EFCAB5: variants seen among roughly 807,000 people sequenced by gnomAD.
The protein encoded by EFCAB5 is EF-hand calcium binding domain 5.
A neutral mutation model predicts 167.9 loss-of-function variants in EFCAB5; 131 were observed. That is an observed-to-expected ratio of 0.78 (90% CI 0.68 to 0.90). The LOEUF (loss-of-function observed/expected upper bound fraction) is 0.90, where lower values mean the gene tolerates loss of function less well. Ranked by LOEUF, EFCAB5 falls within the 40% of genes least tolerant of loss-of-function variation. The probability of loss-of-function intolerance (pLI) is 0.00; values close to 1 mark genes in which losing one functional copy is unlikely to be tolerated. For synonymous variants in EFCAB5, 574 were observed against 602.8 expected, an observed-to-expected ratio of 0.95 and a Z score of 0.70; for missense variants, 1,663 against 1,745.2, an observed-to-expected ratio of 0.95 and a Z score of 0.84.
chr17:30,094,563 A>T (rs1167510805), intron 22 of EFCAB5, among the ~76,000 whole-genome samples: 1 of 151,000 alleles, frequency 6.6e-6, no homozygotes, highest in Non-Finnish European at 1.5e-5. Flanking sequence ...CACGCCTGTA[A>T]TCCCAGCTAC....
At chr17:30,020,793 G>A (rs949941387) in intron 7 of EFCAB5, among the ~76,000 whole-genome samples, 1 of 152,114 alleles carries the variant, frequency 6.6e-6, no homozygotes, top group Non-Finnish European at 1.5e-5. Context: ...TCCACAGCAG[G>A]CTCAAGCCTG....
At chr17:29,993,344 T>C in intron 5 of EFCAB5, 23 bp downstream of exon 5, 1 of 1,602,012 alleles carries the variant, frequency 6.2e-7, no homozygotes, top group Non-Finnish European at 8.5e-7. Flanking sequence ...GGGGTATATG[T>C]GAAAGGTAGG....
intron 7 of EFCAB5, among the ~76,000 whole-genome samples, chr17:30,033,282 G>A (rs2069528606): frequency 6.6e-6 from 1 of 152,092 alleles, no homozygotes. Context: ...GTTTCACCGT[G>A]TTAGCCAGGA....
At chr17:30,101,324 T>G (rs1419445938) in intron 22 of EFCAB5, among the ~76,000 whole-genome samples, 1 of 152,192 alleles carries the variant, frequency 6.6e-6, no homozygotes, top group Non-Finnish European at 1.5e-5. Context: ...GTGGTCATAT[T>G]ATATATATTT....
At chr17:30,056,234 A>T (rs1203030871) in intron 12 of EFCAB5, 78 bp downstream of exon 12, 33 of 1,354,850 alleles carry the variant, frequency 2.4e-5, no homozygotes, top group Non-Finnish European at 3.3e-5. Flanking sequence ...TCGATGATAA[A>T]GACTGAATTT....
intron 2 of EFCAB5, among the ~76,000 whole-genome samples, chr17:29,942,714 A>G (rs1177785458): frequency 6.6e-6 from 1 of 152,204 alleles, no homozygotes; most frequent in Non-Finnish European, 1.5e-5. Context: ...AAATAGTCCT[A>G]TAGATTCACA....
chr17:30,093,074 A>C, intron 22 of EFCAB5, 138 bp downstream of exon 22: 1 of 551,540 alleles, frequency 1.8e-6, no homozygotes, highest in Non-Finnish European at 3.1e-6. Flanking sequence ...AAGAGGAGGG[A>C]CACTATGTAA....
intron 3 of EFCAB5, among the ~76,000 whole-genome samples, chr17:29,948,164 T>A (rs2067442105): frequency 6.6e-6 from 1 of 152,168 alleles, no homozygotes; most frequent in Admixed American, 6.6e-5. Context: ...CAAACAGAAT[T>A]TTGATATAGG....
At chr17:30,058,401 C>T (rs1253616504) in intron 13 of EFCAB5, among the ~76,000 whole-genome samples, 6 of 152,180 alleles carry the variant, frequency 3.9e-5, no homozygotes, top group African/African-American at 1.4e-4. Flanking sequence ...ATTACTTTCA[C>T]TAAGCTTATT....
In EFCAB5 at chr17:30,092,099, T is replaced by C; in HGVS notation, c.4166T>C (p.Phe1389Ser). Residue 1389 changes from phenylalanine to serine, a missense_variant, in exon 21 of 23, where the codon TTC becomes TCC. Physicochemically the swap from Phe to Ser is radical, Grantham distance 155. Transcript: ENST00000394835. ...VRDILKAVIL[F>S]FHPELEFSSD... is the part of the protein sequence containing the mutation. ...GACATCCTGAAGGCGGTTATCTTGTTCTTTCATCCAGAGTTGGAATTTTCA... is the reference window on the plus strand; with the variant it reads ...GACATCCTGAAGGCGGTTATCTTGTCCTTTCATCCAGAGTTGGAATTTTCA... The C allele has an allele frequency of 6.2e-7, 1 of 1,614,034 alleles. No homozygotes were observed. The highest frequency in any genetic ancestry group is 1.1e-5 in the South Asian group (1 of 91,078).
intron 14 of EFCAB5, chr17:30,068,997 T>C (rs1442223060): frequency 6.9e-7 from 1 of 1,444,090 alleles, no homozygotes; most frequent in African/African-American, 1.4e-5. Context: ...AGGAGATACA[T>C]TCCCAGCAAG....
chr17:30,024,092 A>T (rs2069252583), intron 7 of EFCAB5, among the ~76,000 whole-genome samples: 1 of 152,114 alleles, frequency 6.6e-6, no homozygotes, highest in South Asian at 2.1e-4. Flanking sequence ...ATGGGCAAAA[A>T]CTGGAAGCAT....
rs2070363797 is a variant in EFCAB5, at chr17:30,059,411, T to C, written c.2581-134T>C. ...CACTGCTGAATCACTGCATTTTCCC[T>C]TAATATCATGCTTAGCCTCAAAGTA... On this transcript the variant is annotated intron_variant, in intron 13 of 22. Transcript: ENST00000394835. The C allele has an allele frequency of 5.2e-6, 5 of 969,492 alleles. No individual in the cohort carries two copies. The East Asian group carries it at 1.3e-4, about 25-fold the overall frequency. The allele number at this position is 969,492 out of a possible 1,614,324, so 60.1% of individuals were successfully genotyped here. A position where few individuals can be genotyped will look rare whatever the true frequency, so the allele number is the denominator to read the frequency against.
At chr17:29,993,471 T>G in intron 5 of EFCAB5, 150 bp downstream of exon 5, 1 of 633,444 alleles carries the variant, frequency 1.6e-6, no homozygotes, top group Non-Finnish European at 2.3e-6. Context: ...TGAGTGTTGA[T>G]TCCTTCAATT....
At position 30,086,920 on chromosome 17, in the gene EFCAB5, A is replaced by G. The variant is rs9913179; in HGVS notation, c.3580-143A>G. On this transcript the variant is annotated intron_variant, in intron 18 of 22. Coordinates refer to ENST00000394835, the MANE Select transcript of EFCAB5 (RefSeq NM_198529.4). ...AAAAAAAAAATTATCCTGTTCTCTA[A>G]TGGTACTAAGTAAAATGTCACTGTC... 0.029 allele frequency: 18,125 copies of G among 615,154 alleles called. 2,489 individuals carry two copies. In the African/African-American group the frequency reaches 0.3, roughly 10 times the overall value. The allele number at this position is 615,154 out of a possible 1,614,324, so 38.1% of individuals were successfully genotyped here. A position where few individuals can be genotyped will look rare whatever the true frequency, so the allele number is the denominator to read the frequency against.
rs1292982092 is a variant in EFCAB5 at position 30,080,101 on chromosome 17, C to A, written c.3057C>A (p.Ile1019=). 1 of 1,610,152 alleles carries A rather than the reference C, an allele frequency of 6.2e-7. No individual in the cohort carries two copies. Among genetic ancestry groups the A allele is most frequent in the Non-Finnish European group, 8.5e-7 (1 of 1,178,680 alleles). Residue 1019 remains isoleucine (I), a synonymous_variant, in exon 16 of 23, where the codon ATC becomes ATA. Transcript: ENST00000394835. ...CTGAAGCCCATGGAAATAAAAAGAT[C>A]AGTGCTCACATTTCCCTCTTAGAAG... ...QDAEAHGNKK[I]SAHISLLEEN... is the part of the protein sequence containing the mutation.
At position 30,069,497 on chromosome 17, in the gene EFCAB5, G is replaced by A. The variant is rs528444815; in HGVS notation, c.2738-8718G>A. ...TGGCGTTCACCAGTTAGTTGTGGGGGCAACTGAAAATATCAAGGAAGGCAA... is the reference window on the plus strand; with the variant it reads ...TGGCGTTCACCAGTTAGTTGTGGGGACAACTGAAAATATCAAGGAAGGCAA... On this transcript the variant is annotated intron_variant, in intron 14 of 22. Transcript: ENST00000394835. The A allele has an allele frequency of 6.9e-6, 11 of 1,600,076 alleles. No individual in the cohort carries two copies. In the Admixed American group the frequency reaches 1.7e-4, roughly 24 times the overall value.
intron 17 of EFCAB5, among the ~76,000 whole-genome samples, chr17:30,082,443 T>TG (rs2071006965): frequency 7.2e-6 from 1 of 138,052 alleles, no homozygotes; most frequent in Admixed American, 8.3e-5. Context: ...CAGATTGGAG[T>TG]GCAGTGTTGC....
chr17:29,943,775 A>G, intron 3 of EFCAB5, 126 bp downstream of exon 3: 1 of 633,304 alleles, frequency 1.6e-6, no homozygotes, highest in Non-Finnish European at 2.5e-6. Flanking sequence ...GGAGTTCGAA[A>G]CCAGCCTGGC....
Sources: allele counts gnomAD v4.1 joint callset (sites outside exome capture counted in the v4.1 genomes callset), GRCh38; gene constraint gnomAD v4.1.1; transcripts MANE v1.5; gene names NCBI Gene and HGNC (gene_info 2026-07-23, HGNC 2026-07-21).